ABTB3: variants seen among roughly 807,000 people sequenced by gnomAD.
ABTB3 encodes the protein ankyrin repeat and BTB domain containing 3.
the ABTB3 span, among the ~76,000 whole-genome samples, chr12:107,421,039 G>A: frequency 6.6e-6 from 1 of 152,160 alleles, no homozygotes; most frequent in Non-Finnish European, 1.5e-5. Context: ...TCAGTAGAGA[G>A]GAAGTCTACT....
chr12:107,620,703 G>A, the ABTB3 span, among the ~76,000 whole-genome samples: 4 of 152,278 alleles, frequency 2.6e-5, no homozygotes, highest in South Asian at 6.2e-4. Context: ...TTTTCCGGTC[G>A]AGAGGGTCAA....
At chr12:107,606,129 A>T in the ABTB3 span, among the ~76,000 whole-genome samples, 2 of 152,114 alleles carry the variant, frequency 1.3e-5, no homozygotes, top group Non-Finnish European at 1.5e-5. Flanking sequence ...AGAGGGCAGG[A>T]TGGGGGGTCA....
At chr12:107,519,054 CTCAGTAGGA>C in the ABTB3 span, among the ~76,000 whole-genome samples, 1 of 152,172 alleles carries the variant, frequency 6.6e-6, no homozygotes, top group African/African-American at 2.4e-5. Flanking sequence ...TCCTTGTATC[CTCAGTAGGA>C]TACTTGGTAG....
At chr12:107,537,272 A>T in the ABTB3 span, among the ~76,000 whole-genome samples, 1 of 152,206 alleles carries the variant, frequency 6.6e-6, no homozygotes, top group South Asian at 2.1e-4. Context: ...GGTTATGGAT[A>T]CAAACTTACA....
At chr12:107,582,638 C>T in the ABTB3 span, among the ~76,000 whole-genome samples, 4 of 152,334 alleles carry the variant, frequency 2.6e-5, no homozygotes, top group Non-Finnish European at 4.4e-5. Flanking sequence ...ATCCCCGAAG[C>T]GGCATCATGA....
At chr12:107,625,070 C>T in the ABTB3 span, among the ~76,000 whole-genome samples, 66 of 152,232 alleles carry the variant, frequency 4.3e-4, no homozygotes, top group Non-Finnish European at 8.8e-4. Context: ...TTTGCATTTC[C>T]CTAAATGGCT....
At chr12:107,588,950 TGTG>T in the ABTB3 span, among the ~76,000 whole-genome samples, 1 of 152,210 alleles carries the variant, frequency 6.6e-6, no homozygotes, top group African/African-American at 2.4e-5. Context: ...AGCAGAGCAC[TGTG>T]GTTAGAACCA....
the ABTB3 span, among the ~76,000 whole-genome samples, chr12:107,431,490 TC>T: frequency 6.5e-3 from 983 of 152,232 alleles, 15 homozygotes; most frequent in African/African-American, 0.023. Context: ...ATGTCTGTAA[TC>T]CCAGCTACTC....
chr12:107,451,501 C>T, the ABTB3 span, among the ~76,000 whole-genome samples: 1 of 152,172 alleles, frequency 6.6e-6, no homozygotes, highest in Non-Finnish European at 1.5e-5. Context: ...TGTGCACAAG[C>T]GCCAGAACAC....
the ABTB3 span, among the ~76,000 whole-genome samples, chr12:107,638,090 G>C: frequency 6.6e-6 from 1 of 152,174 alleles, no homozygotes; most frequent in East Asian, 1.9e-4. Flanking sequence ...GTTCTGGGGG[G>C]AGTTTTTTAA....
At chr12:107,553,208 T>G in the ABTB3 span, among the ~76,000 whole-genome samples, 1 of 152,216 alleles carries the variant, frequency 6.6e-6, no homozygotes, top group Non-Finnish European at 1.5e-5. Flanking sequence ...ACTCCCTTAA[T>G]CCAGATTGAT....
At chr12:107,400,968 C>G in the ABTB3 span, among the ~76,000 whole-genome samples, 5 of 152,218 alleles carry the variant, frequency 3.3e-5, no homozygotes, top group Non-Finnish European at 5.9e-5. Flanking sequence ...GATCAGCCAT[C>G]TGAGAAGGGC....
the ABTB3 span, chr12:107,640,334 G>A: frequency 6.3e-7 from 1 of 1,587,244 alleles, no homozygotes; most frequent in Non-Finnish European, 8.6e-7. Flanking sequence ...TAACAATAAA[G>A]AAATGTCTGA....
the ABTB3 span, among the ~76,000 whole-genome samples, chr12:107,459,051 AC>A: frequency 3.1e-3 from 479 of 152,316 alleles, 8 homozygotes; most frequent in Non-Finnish European, 4.3e-3. Context: ...ATAATAAAAA[AC>A]AATCCAATAA....
the ABTB3 span, among the ~76,000 whole-genome samples, chr12:107,436,558 A>C: frequency 6.6e-6 from 1 of 152,258 alleles, no homozygotes; most frequent in Non-Finnish European, 1.5e-5. Context: ...AGGATTTCAC[A>C]TGGCAACATA....
At chr12:107,539,411 A>C in the ABTB3 span, among the ~76,000 whole-genome samples, 1 of 152,206 alleles carries the variant, frequency 6.6e-6, no homozygotes, top group African/African-American at 2.4e-5. Flanking sequence ...GCAGGCACCC[A>C]GCTTAGCTTC....
chr12:107,396,600 TA>T, the ABTB3 span, among the ~76,000 whole-genome samples: 3,314 of 31,530 alleles, frequency 0.11, 71 homozygotes, highest in African/African-American at 0.21. Flanking sequence ...TTTTTTTTTT[TA>T]GCATGGTGAA....
the ABTB3 span, among the ~76,000 whole-genome samples, chr12:107,582,776 C>G: frequency 3.3e-5 from 5 of 152,180 alleles, no homozygotes; most frequent in African/African-American, 7.2e-5. Flanking sequence ...ACTGTGCTGC[C>G]TCCTGTTTTC....
chr12:107,398,376 A>T, the ABTB3 span, among the ~76,000 whole-genome samples: 1 of 152,388 alleles, frequency 6.6e-6, no homozygotes, highest in South Asian at 2.1e-4. Flanking sequence ...TAGATAACAC[A>T]GACACACAAC....
Sources: allele counts gnomAD v4.1 joint callset (sites outside exome capture counted in the v4.1 genomes callset), GRCh38; gene constraint gnomAD v4.1.1; transcripts MANE v1.5; gene names NCBI Gene and HGNC (gene_info 2026-07-23, HGNC 2026-07-21).